The following SAMTOR variants were observed in gnomAD, a reference collection of about 807,000 sequenced individuals.
The protein encoded by SAMTOR is S-adenosylmethionine sensor upstream of mTORC1, also known as UPF0532 protein C7orf60.
At chr7:112,922,786 G>A in the SAMTOR span, among the ~76,000 whole-genome samples, 2 of 151,784 alleles carry the variant, frequency 1.3e-5, no homozygotes, top group African/African-American at 4.8e-5. Context: ...GAGGGAGGTG[G>A]GGGTCAGCCC....
At chr7:112,867,793 A>G in the SAMTOR span, among the ~76,000 whole-genome samples, 1 of 152,374 alleles carries the variant, frequency 6.6e-6, no homozygotes, top group African/African-American at 2.4e-5. Flanking sequence ...AAAGCAAAAC[A>G]TGAAAAATTA....
At chr7:112,862,072 T>A in the SAMTOR span, among the ~76,000 whole-genome samples, 1 of 152,096 alleles carries the variant, frequency 6.6e-6, no homozygotes, top group Non-Finnish European at 1.5e-5. Context: ...CTGGGCAACA[T>A]TGGTGAAGCC....
chr7:112,880,255 A>G, the SAMTOR span, among the ~76,000 whole-genome samples: 2 of 152,268 alleles, frequency 1.3e-5, no homozygotes, highest in East Asian at 1.9e-4. Context: ...TTCATTCTCA[A>G]TGCCTAGAGC....
chr7:112,832,581 C>G, the SAMTOR span: 2 of 1,604,970 alleles, frequency 1.2e-6, no homozygotes, highest in Non-Finnish European at 1.7e-6. Flanking sequence ...GGTACAATAT[C>G]TATGCCAACA....
chr7:112,887,671 T>C, the SAMTOR span, among the ~76,000 whole-genome samples: 2 of 152,234 alleles, frequency 1.3e-5, no homozygotes, highest in Non-Finnish European at 2.9e-5. Context: ...TGAGTTTTAG[T>C]AGATTGTATC....
chr7:112,880,707 T>TCTA, the SAMTOR span, among the ~76,000 whole-genome samples: 1 of 152,220 alleles, frequency 6.6e-6, no homozygotes, highest in Non-Finnish European at 1.5e-5. Flanking sequence ...GCAAAATACA[T>TCTA]GTAGGATTTA....
chr7:112,890,222 A>G, the SAMTOR span, among the ~76,000 whole-genome samples: 8 of 152,198 alleles, frequency 5.3e-5, no homozygotes, highest in Non-Finnish European at 8.8e-5. Flanking sequence ...GCACTCCCCA[A>G]TCAAGACGCA....
the SAMTOR span, among the ~76,000 whole-genome samples, chr7:112,933,069 T>A: frequency 6.6e-6 from 1 of 152,178 alleles, no homozygotes; most frequent in Non-Finnish European, 1.5e-5. Flanking sequence ...AGCCATCCAA[T>A]CCTTAATGCT....
the SAMTOR span, among the ~76,000 whole-genome samples, chr7:112,859,043 C>A: frequency 1.3e-5 from 2 of 152,114 alleles, no homozygotes; most frequent in African/African-American, 4.8e-5. Context: ...TGGGCCTCAT[C>A]CAATCAGTTG....
At chr7:112,824,004 AT>A in the SAMTOR span, among the ~76,000 whole-genome samples, 1 of 152,352 alleles carries the variant, frequency 6.6e-6, no homozygotes, top group Admixed American at 6.5e-5. Context: ...CCATTTAAAA[AT>A]AATTGGGTTG....
the SAMTOR span, among the ~76,000 whole-genome samples, chr7:112,910,740 C>T: frequency 6.6e-6 from 1 of 152,136 alleles, no homozygotes; most frequent in Admixed American, 6.6e-5. Context: ...TGAATCAATC[C>T]TTTAGACCCA....
the SAMTOR span, among the ~76,000 whole-genome samples, chr7:112,923,659 G>C: frequency 6.6e-6 from 1 of 152,112 alleles, no homozygotes; most frequent in East Asian, 1.9e-4. Context: ...TCTAGAACTA[G>C]AAATACCATT....
the SAMTOR span, among the ~76,000 whole-genome samples, chr7:112,898,417 G>T: frequency 8.5e-5 from 13 of 152,156 alleles, no homozygotes; most frequent in East Asian, 2.5e-3. Flanking sequence ...GGCAAGGAGA[G>T]GAAGAGTATA....
chr7:112,836,589 GT>G, the SAMTOR span, among the ~76,000 whole-genome samples: 1 of 151,906 alleles, frequency 6.6e-6, no homozygotes, highest in Non-Finnish European at 1.5e-5. Context: ...ATCTTCCAAG[GT>G]TTTTCTAGTT....
chr7:112,880,297 A>C, the SAMTOR span, among the ~76,000 whole-genome samples: 3 of 152,290 alleles, frequency 2.0e-5, no homozygotes, highest in South Asian at 6.2e-4. Context: ...GTAGAGCTTT[A>C]GGGTTTTTAA....
At chr7:112,879,114 T>C in the SAMTOR span, among the ~76,000 whole-genome samples, 3 of 149,398 alleles carry the variant, frequency 2.0e-5, no homozygotes, top group Middle Eastern at 3.4e-3. Context: ...GTTCAGGAGG[T>C]AGGAAAGGAG....
At chr7:112,847,621 A>G in the SAMTOR span, among the ~76,000 whole-genome samples, 1 of 152,138 alleles carries the variant, frequency 6.6e-6, no homozygotes, top group East Asian at 1.9e-4. Context: ...TCTACTAAAA[A>G]TACAAAATTA....
the SAMTOR span, chr7:112,915,513 T>C: frequency 3.8e-5 from 48 of 1,275,710 alleles, no homozygotes; most frequent in Non-Finnish European, 3.1e-6. Context: ...AAATAAGTTT[T>C]AGCACAATCT....
At chr7:112,854,849 T>C in the SAMTOR span, among the ~76,000 whole-genome samples, 1 of 152,152 alleles carries the variant, frequency 6.6e-6, no homozygotes, top group African/African-American at 2.4e-5. Context: ...AACAAAAGGA[T>C]AACCCAGAAA....
Sources: gnomAD v4.1 joint callset for allele counts (sites outside exome capture counted in the v4.1 genomes callset) on GRCh38, gnomAD v4.1.1 for gene constraint, MANE v1.5 for transcripts, NCBI Gene and HGNC (gene_info 2026-07-23, HGNC 2026-07-21) for gene names.